Variants in ZNF804B observed in about 807,000 individuals in gnomAD.
ZNF804B encodes the protein zinc finger 804B.
In ZNF804B, 80 loss-of-function variants were observed where a neutral mutation model predicts 101.4. The observed-to-expected ratio is 0.79, with a 90% CI of 0.66 to 0.95. The LOEUF (loss-of-function observed/expected upper bound fraction) is 0.95, where lower values mean the gene tolerates loss of function less well. Ranked by LOEUF, ZNF804B falls within the 40% of genes least tolerant of loss-of-function variation. The probability of loss-of-function intolerance (pLI) is 0.00; values close to 1 mark genes in which losing one functional copy is unlikely to be tolerated. For missense variants in ZNF804B, 1,673 were observed against 1,561.9 expected (o/e 1.07, Z -1.20); for synonymous variants, 622 against 558.8 (o/e 1.11, Z -1.59).
intron 2 of ZNF804B, among the ~76,000 whole-genome samples, chr7:89,266,916 A>G (rs1789805017): frequency 7.5e-6 from 1 of 132,964 alleles, no homozygotes; most frequent in Non-Finnish European, 1.6e-5. Context: ...GGCAATGGAA[A>G]GAAGTTAAAC....
chr7:89,336,089 A>C lies in ZNF804B; in HGVS notation c.3107A>C (p.Glu1036Ala), dbSNP rs1398034911. Residue 1036 changes from glutamate (E) to alanine (A), a missense_variant, in exon 4 of 4, where the codon GAG becomes GCG. By Grantham distance (107) the Glu-to-Ala change is moderately radical. Coordinates refer to ENST00000333190, the MANE Select transcript of ZNF804B (RefSeq NM_181646.5). ...LSKGIIHLVT[E>A]SQSLNIKRDA... ...AAAGGTATAATTCACCTAGTAACAG[A>C]GTCTCAGTCACTAAACATAAAAAGG... 3.1e-6 allele frequency: 5 copies of C among 1,613,866 alleles called. No homozygotes were observed. In the East Asian group the frequency reaches 1.1e-4, roughly 36 times the overall value.
At chr7:88,777,679 C>T (rs951310032) in intron 1 of ZNF804B, among the ~76,000 whole-genome samples, 1 of 151,824 alleles carries the variant, frequency 6.6e-6, no homozygotes, top group African/African-American at 2.4e-5. Context: ...GAAACCCCAT[C>T]TCTACTAAAA....
At chr7:89,263,043 G>A (rs1344597510) in intron 2 of ZNF804B, among the ~76,000 whole-genome samples, 1 of 152,100 alleles carries the variant, frequency 6.6e-6, no homozygotes, top group Non-Finnish European at 1.5e-5. Flanking sequence ...AATGTGGCTT[G>A]GATACTTCGT....
At chr7:89,043,162 G>A (rs2116251883) in intron 1 of ZNF804B, among the ~76,000 whole-genome samples, 1 of 152,252 alleles carries the variant, frequency 6.6e-6, no homozygotes, top group Non-Finnish European at 1.5e-5. Flanking sequence ...ATCAACTCAT[G>A]GTTGCCTGAC....
At chr7:88,779,330 T>C (rs1240684876) in intron 1 of ZNF804B, among the ~76,000 whole-genome samples, 1 of 152,172 alleles carries the variant, frequency 6.6e-6, no homozygotes, top group Non-Finnish European at 1.5e-5. Flanking sequence ...TGAACCAATG[T>C]CAACTCATGA....
chr7:89,212,325 T>C (rs1414942619), intron 1 of ZNF804B, among the ~76,000 whole-genome samples: 1 of 151,540 alleles, frequency 6.6e-6, no homozygotes, highest in African/African-American at 2.4e-5. Context: ...TGAGTACCTA[T>C]ATAGGGGAAG....
chr7:88,778,898 T>C (rs1159689197), intron 1 of ZNF804B, among the ~76,000 whole-genome samples: 1 of 152,186 alleles, frequency 6.6e-6, no homozygotes, highest in Non-Finnish European at 1.5e-5. Context: ...ATTAAACAAA[T>C]AAATCTGTGG....
At chr7:89,017,968 C>G (rs1352483327) in intron 1 of ZNF804B, among the ~76,000 whole-genome samples, 1 of 152,096 alleles carries the variant, frequency 6.6e-6, no homozygotes, top group Non-Finnish European at 1.5e-5. Context: ...CCAAGAGGAA[C>G]AAGCTGACTT....
rs1791030926 is a variant in ZNF804B at position 89,334,007 on chromosome 7, A to C, written c.1025A>C (p.Glu342Ala). ...GTAGATTTTACTCCTACCAGCAGAG[A>C]AAAAGAAACTAGAAATACATTGAAG... ...SDVDFTPTSREKETRNTLKNT... is the reference protein window; with the variant it reads ...SDVDFTPTSRAKETRNTLKNT... Residue 342 changes from glutamate (E) to alanine (A), a missense_variant, in exon 4 of 4, where the codon GAA becomes GCA. Transcript: ENST00000333190. 6.2e-7 allele frequency: 1 copy of C among 1,613,308 alleles called. No individual in the cohort carries two copies. The highest frequency in any genetic ancestry group is 1.7e-5 in the Admixed American group (1 of 59,810).
At chr7:88,949,029 C>G (rs1025484473) in intron 1 of ZNF804B, among the ~76,000 whole-genome samples, 1 of 150,908 alleles carries the variant, frequency 6.6e-6, no homozygotes, top group Non-Finnish European at 1.5e-5. Context: ...GTTGAGAAAG[C>G]GTTGGTGTGT....
intron 2 of ZNF804B, among the ~76,000 whole-genome samples, chr7:89,232,704 C>A (rs1789211359): frequency 6.6e-6 from 1 of 152,048 alleles, no homozygotes; most frequent in Non-Finnish European, 1.5e-5. Flanking sequence ...TTTTAATATA[C>A]CCTATCTAAT....
At chr7:89,194,678 G>C (rs1584045119) in intron 1 of ZNF804B, among the ~76,000 whole-genome samples, 1 of 150,916 alleles carries the variant, frequency 6.6e-6, no homozygotes, top group Non-Finnish European at 1.5e-5. Flanking sequence ...CTATATCTCT[G>C]TTTTGGTACC....
At chr7:89,314,913 A>G (rs1430863600) in intron 2 of ZNF804B, among the ~76,000 whole-genome samples, 1 of 152,144 alleles carries the variant, frequency 6.6e-6, no homozygotes, top group Admixed American at 6.5e-5. Flanking sequence ...TAACTGCTCT[A>G]ACCTGTTCAC....
chr7:88,964,636 T>C (rs1195103296), intron 1 of ZNF804B, among the ~76,000 whole-genome samples: 2 of 151,510 alleles, frequency 1.3e-5, no homozygotes, highest in Non-Finnish European at 3.0e-5. Context: ...ATGTACTCAG[T>C]GCCACTGAAT....
chr7:89,036,444 G>A (rs1032882121), intron 1 of ZNF804B, among the ~76,000 whole-genome samples: 2 of 151,846 alleles, frequency 1.3e-5, no homozygotes, highest in African/African-American at 2.4e-5. Flanking sequence ...ATTTATGTGA[G>A]GGGATTCCTT....
intron 1 of ZNF804B, among the ~76,000 whole-genome samples, chr7:88,840,051 G>T (rs1043740059): frequency 6.6e-6 from 1 of 152,098 alleles, no homozygotes; most frequent in East Asian, 1.9e-4. Flanking sequence ...AGATGTCAAA[G>T]AATTTTAGAT....
intron 1 of ZNF804B, among the ~76,000 whole-genome samples, chr7:88,916,686 G>C (rs991591771): frequency 1.3e-5 from 2 of 152,012 alleles, no homozygotes; most frequent in African/African-American, 4.8e-5. Context: ...TTTTGTTTCT[G>C]TCATATGGCA....
chr7:88,898,580 C>T (rs912053053), intron 1 of ZNF804B, among the ~76,000 whole-genome samples: 7 of 152,106 alleles, frequency 4.6e-5, no homozygotes, highest in African/African-American at 1.7e-4. Context: ...TATGGTCACA[C>T]CTCTCCCCCG....
At chr7:89,159,715 A>G (rs1791030432) in intron 1 of ZNF804B, among the ~76,000 whole-genome samples, 1 of 152,182 alleles carries the variant, frequency 6.6e-6, no homozygotes, top group African/African-American at 2.4e-5. Flanking sequence ...TTTGCTCACC[A>G]ATTTGAAATA....
Sources: allele counts gnomAD v4.1 joint callset (sites outside exome capture counted in the v4.1 genomes callset), GRCh38; gene constraint gnomAD v4.1.1; transcripts MANE v1.5; gene names NCBI Gene and HGNC (gene_info 2026-07-23, HGNC 2026-07-21).